The following SLC9D1 variants were observed in gnomAD, a reference collection of about 807,000 sequenced individuals.
SLC9D1 encodes solute carrier family 9 member D1, also known as putative LAG1-interacting protein.
At chr13:113,496,039 A>AGG in the SLC9D1 span, 16 of 1,564,186 alleles carry the variant, frequency 1.0e-5, no homozygotes, top group African/African-American at 2.7e-5. Context: ...AGTCCTAGAG[A>AGG]GGGAGAGAGA....
the SLC9D1 span, chr13:113,547,272 C>T: frequency 3.8e-6 from 6 of 1,585,906 alleles, no homozygotes; most frequent in South Asian, 3.3e-5. Flanking sequence ...GTCCTGCGGT[C>T]GTAACGTGTC....
At chr13:113,529,567 T>C in the SLC9D1 span, 2 of 152,184 alleles carry the variant, frequency 1.3e-5, no homozygotes, top group African/African-American at 4.8e-5. Context: ...GGAGAATCAC[T>C]TGAACCCAGG....
chr13:113,542,710 C>T, the SLC9D1 span, among the ~76,000 whole-genome samples: 3 of 152,176 alleles, frequency 2.0e-5, no homozygotes, highest in African/African-American at 7.2e-5. Flanking sequence ...GGTGTCGGGC[C>T]ACATCCCTGG....
At chr13:113,510,258 A>G in the SLC9D1 span, 1 of 1,614,098 alleles carries the variant, frequency 6.2e-7, no homozygotes, top group Non-Finnish European at 8.5e-7. Flanking sequence ...TTTCCTTACA[A>G]GGGCCGTGTT....
At chr13:113,525,727 C>T in the SLC9D1 span, among the ~76,000 whole-genome samples, 3 of 151,944 alleles carry the variant, frequency 2.0e-5, no homozygotes, top group African/African-American at 7.3e-5. Context: ...GAGACGACAG[C>T]TCTGTGCCGG....
the SLC9D1 span, chr13:113,528,122 C>T: frequency 2.0e-5 from 3 of 152,190 alleles, no homozygotes; most frequent in Non-Finnish European, 2.9e-5. Flanking sequence ...CAGATAACTC[C>T]AGTATCCGTT....
the SLC9D1 span, chr13:113,547,296 A>T: frequency 1.2e-6 from 2 of 1,613,590 alleles, no homozygotes; most frequent in African/African-American, 1.3e-5. Flanking sequence ...CCTGTTCCCA[A>T]CAGGGCTCCA....
chr13:113,525,380 C>A, the SLC9D1 span, among the ~76,000 whole-genome samples: 1 of 152,202 alleles, frequency 6.6e-6, no homozygotes, highest in South Asian at 2.1e-4. Flanking sequence ...GGCTCACACA[C>A]CCAATTAGGC....
the SLC9D1 span, among the ~76,000 whole-genome samples, chr13:113,532,679 C>T: frequency 5.3e-5 from 8 of 152,026 alleles, no homozygotes; most frequent in Admixed American, 1.3e-4. Flanking sequence ...TCTGCTTGGC[C>T]GTGAGTCTGT....
chr13:113,541,163 C>A, the SLC9D1 span, among the ~76,000 whole-genome samples: 1 of 152,190 alleles, frequency 6.6e-6, no homozygotes, highest in Non-Finnish European at 1.5e-5. Flanking sequence ...AGCTTTGTTC[C>A]TTTTCTTGGA....
the SLC9D1 span, among the ~76,000 whole-genome samples, chr13:113,513,792 A>G: frequency 6.6e-6 from 1 of 152,228 alleles, no homozygotes; most frequent in African/African-American, 2.4e-5. Flanking sequence ...AAAATCTGGC[A>G]GGAGTTTTCA....
chr13:113,492,709 C>T, the SLC9D1 span, among the ~76,000 whole-genome samples: 1 of 152,136 alleles, frequency 6.6e-6, no homozygotes, highest in Non-Finnish European at 1.5e-5. Context: ...ACCAGCCTGG[C>T]CAACATGGCA....
At chr13:113,510,339 C>T in the SLC9D1 span, 51 of 1,614,008 alleles carry the variant, frequency 3.2e-5, no homozygotes, top group Middle Eastern at 3.3e-4. Context: ...CCACGCAGAG[C>T]GTCTTCATTT....
chr13:113,533,943 T>C, the SLC9D1 span: 4 of 852,844 alleles, frequency 4.7e-6, no homozygotes, highest in Non-Finnish European at 7.5e-6. Context: ...TTCAGGTAAT[T>C]TATTTTGTAG....
At chr13:113,503,463 AC>A in the SLC9D1 span, 1 of 1,535,390 alleles carries the variant, frequency 6.5e-7, no homozygotes, top group Non-Finnish European at 9.0e-7. Flanking sequence ...TTAAACATGT[AC>A]AATTATATGG....
chr13:113,547,179 T>TGGGA, the SLC9D1 span: 2 of 775,452 alleles, frequency 2.6e-6, no homozygotes, highest in Non-Finnish European at 4.4e-6. Context: ...CACGTGCACT[T>TGGGA]GGGAGGATTT....
the SLC9D1 span, among the ~76,000 whole-genome samples, chr13:113,520,370 G>C: frequency 6.6e-6 from 1 of 151,430 alleles, no homozygotes; most frequent in African/African-American, 2.4e-5. Flanking sequence ...TATAATCCCA[G>C]CTACTCAGGA....
chr13:113,538,066 G>A, the SLC9D1 span, among the ~76,000 whole-genome samples: 372 of 151,858 alleles, frequency 2.4e-3, 3 homozygotes, highest in Middle Eastern at 0.014. Context: ...GTGTACATGT[G>A]CATGCATTCG....
At chr13:113,507,146 C>G in the SLC9D1 span, among the ~76,000 whole-genome samples, 1 of 151,990 alleles carries the variant, frequency 6.6e-6, no homozygotes, top group Non-Finnish European at 1.5e-5. Context: ...ACGAGGGTCT[C>G]CCGGTCCCAA....
Sources: allele counts gnomAD v4.1 joint callset (sites outside exome capture counted in the v4.1 genomes callset), GRCh38; gene constraint gnomAD v4.1.1; transcripts MANE v1.5; gene names NCBI Gene and HGNC (gene_info 2026-07-23, HGNC 2026-07-21).